The following ZNF544 variants were observed in gnomAD, a reference collection of about 807,000 sequenced individuals.
ZNF544 encodes zinc finger protein 544.
In ZNF544, 10 loss-of-function variants were observed where a neutral mutation model predicts 13.5. The ratio of observed to expected loss-of-function variants is 0.74; its 90% CI spans 0.46 to 1.25. The LOEUF is 1.25. Among genes scored for constraint, ZNF544 ranks in the 50% most tolerant of loss-of-function variants. The pLI is 0.00. For synonymous variants in ZNF544, 323 were observed against 300.5 expected (o/e 1.07, Z -0.77); for missense variants, 896 against 845.6 (o/e 1.06, Z -0.74).
chr19:58,252,363 C>T (rs1335922917), intron 6 of ZNF544, among the ~76,000 whole-genome samples: 1 of 152,128 alleles, frequency 6.6e-6, no homozygotes, highest in Non-Finnish European at 1.5e-5. Flanking sequence ...CCTAAACATC[C>T]CTCTTTAAAC....
At chr19:58,232,345 T>A in intron 3 of ZNF544, among the ~76,000 whole-genome samples, 1 of 123,476 alleles carries the variant, frequency 8.1e-6, no homozygotes, top group Non-Finnish European at 1.6e-5. Context: ...GACAATTTTA[T>A]CTTTTTTTTT....
chr19:58,241,733 G>A (rs1235429189), intron 3 of ZNF544, among the ~76,000 whole-genome samples: 1 of 151,782 alleles, frequency 6.6e-6, no homozygotes, highest in East Asian at 2.0e-4. Context: ...TCCTGACCTC[G>A]TGATCCGCCC....
chr19:58,261,118 T>C lies in ZNF544; in HGVS notation c.512T>C (p.Leu171Ser), dbSNP rs140634559. 36 of 1,614,166 alleles carry C rather than the reference T, an allele frequency of 2.2e-5. No individual in the cohort carries two copies. The African/African-American group carries it at 3.9e-4, about 17-fold the overall frequency. Residue 171 changes from leucine (L) to serine (S), a missense_variant, in exon 7 of 7, where the codon TTA becomes TCA. Coordinates refer to ENST00000687789, the MANE Select transcript of ZNF544 (RefSeq NM_014480.4). ...LGGGYSLPST[L>S]SLLPTTLPTS... ...GGAGGTTATTCTCTACCTTCTACTTTAAGCCTTCTACCTACAACATTACCT... is the reference window on the plus strand; with the variant it reads ...GGAGGTTATTCTCTACCTTCTACTTCAAGCCTTCTACCTACAACATTACCT...
chr19:58,265,140 G>A (rs1285980525), downstream of ZNF544, among the ~76,000 whole-genome samples: 1 of 152,132 alleles, frequency 6.6e-6, no homozygotes, highest in Admixed American at 6.5e-5. Flanking sequence ...CTTATCAGGG[G>A]ATGTGAAAAC....
intron 5 of ZNF544, among the ~76,000 whole-genome samples, chr19:58,275,321 G>T (rs1282551379): frequency 6.6e-6 from 1 of 151,990 alleles, no homozygotes; most frequent in African/African-American, 2.4e-5. Context: ...ACTGGCACTG[G>T]CATCCGGTGA....
chr19:58,244,741 A>G (rs1416286581), intron 4 of ZNF544, among the ~76,000 whole-genome samples: 2 of 151,748 alleles, frequency 1.3e-5, no homozygotes, highest in Non-Finnish European at 2.9e-5. Flanking sequence ...ATGCTTGACT[A>G]ATTTATTATA....
intron 4 of ZNF544, among the ~76,000 whole-genome samples, chr19:58,245,046 C>G (rs2044793466): frequency 6.6e-6 from 1 of 152,040 alleles, no homozygotes; most frequent in Non-Finnish European, 1.5e-5. Context: ...CTCCTGGTTT[C>G]AAGCAATTCT....
intron 6 of ZNF544, 72 bp downstream of exon 6, chr19:58,246,866 AG>A: frequency 1.5e-5 from 22 of 1,475,692 alleles, no homozygotes; most frequent in Non-Finnish European, 2.0e-5. Flanking sequence ...GCAGGGCCCC[AG>A]GGGCCAAGGA....
At chr19:58,273,125 A>C (rs188504240) in intron 5 of ZNF544, among the ~76,000 whole-genome samples, 1 of 150,730 alleles carries the variant, frequency 6.6e-6, no homozygotes, top group Non-Finnish European at 1.5e-5. Context: ...AGGTTGCAGT[A>C]AGCCAAGATC....
rs73939500 is a variant in ZNF544, at chr19:58,244,157, C to T, written c.33+101C>T. On this transcript the variant is annotated intron_variant, in intron 4 of 6. Coordinates refer to ENST00000687789, the MANE Select transcript of ZNF544 (RefSeq NM_014480.4). Reference sequence around the variant, plus strand: ...TGCAGGCTGTCACACAGGAGCGCTCCGCAGTGCTGGCCAGTGCTTCCCAGT... The same window carrying T: ...TGCAGGCTGTCACACAGGAGCGCTCTGCAGTGCTGGCCAGTGCTTCCCAGT... 4.7e-3 allele frequency: 4,773 copies of T among 1,020,152 alleles called. 26 individuals carry two copies. Among genetic ancestry groups the T allele is most frequent in the African/African-American group, 0.022 (1,334 of 61,268 alleles). 63.2% of individuals were successfully genotyped at this position (1,020,152 alleles called of 1,614,324 possible).
In ZNF544 at chr19:58,261,997, A is replaced by G. The variant is rs375930058; in HGVS notation, c.1391A>G (p.Tyr464Cys). ...AGAATTCATACTGGAGAGAAACCGTATGAGTGCACTCACTGTGGAAAGTCC... is the reference window on the plus strand; with the variant it reads ...AGAATTCATACTGGAGAGAAACCGTGTGAGTGCACTCACTGTGGAAAGTCC... ...HQRIHTGEKP[Y>C]ECTHCGKSFS... The change falls in exon 7 of 7, where the codon TAT becomes TGT. Residue 464 changes from tyrosine to cysteine, a missense_variant. Tyr to Cys is a radical substitution (Grantham distance 194). Transcript: ENST00000687789. 1.2e-6 allele frequency: 2 copies of G among 1,613,958 alleles called. No homozygotes were observed. The highest frequency in any genetic ancestry group is 2.7e-5 in the African/African-American group (2 of 74,878).
intron 6 of ZNF544, among the ~76,000 whole-genome samples, chr19:58,248,036 C>T (rs761191043): frequency 2.0e-5 from 3 of 152,026 alleles, no homozygotes; most frequent in Non-Finnish European, 4.4e-5. Context: ...GCCTCAACCT[C>T]CCAACTAACT....
rs754813403 is a variant in ZNF544 at position 58,262,073 on chromosome 19, A to G, written c.1467A>G (p.Glu489=). Residue 489 remains glutamate, a synonymous_variant, in exon 7 of 7, where the codon GAA becomes GAG. Coordinates refer to ENST00000687789, the MANE Select transcript of ZNF544 (RefSeq NM_014480.4). ...CACATAAAAGAACGCACACTGGAGA[A>G]AAACCCTTCAAATGTACTCAGTGTG... ...LVTHKRTHTG[E]KPFKCTQCGK... 6.2e-7 allele frequency: 1 copy of G among 1,611,364 alleles called. No homozygotes were observed.
chr19:58,249,311 G>C (rs1441461613), intron 6 of ZNF544, among the ~76,000 whole-genome samples: 1 of 152,128 alleles, frequency 6.6e-6, no homozygotes, highest in Non-Finnish European at 1.5e-5. Flanking sequence ...CTGAGGCACA[G>C]TCCCTACGTA....
chr19:58,252,258 T>C (rs1008591427), intron 6 of ZNF544, among the ~76,000 whole-genome samples: 1 of 152,350 alleles, frequency 6.6e-6, no homozygotes, highest in Admixed American at 6.5e-5. Context: ...CATATTCTCA[T>C]GCCTTTTACC....
In ZNF544 at chr19:58,261,018, A is replaced by G; in HGVS notation, c.412A>G (p.Asn138Asp). ...QSNQLREHQE[N>D]SLRFMVLTSE... The stretch of plus-strand genomic sequence containing the variant: ...CAACCAGTTAAGGGAACACCAGGAG[A>G]ACTCCTTGAGGTTCATGGTACTCAC... Residue 138 changes from asparagine (N) to aspartate (D), a missense_variant, in exon 7 of 7, where the codon AAC (asparagine) becomes GAC (aspartate). Asn to Asp is a conservative substitution (Grantham distance 23). Coordinates refer to ENST00000687789, the MANE Select transcript of ZNF544 (RefSeq NM_014480.4). 1.2e-6 allele frequency: 2 copies of G among 1,614,178 alleles called. No individual in the cohort carries two copies. The highest frequency in any genetic ancestry group is 2.2e-5 in the South Asian group (2 of 91,078).
Position 58,260,870 on chromosome 19 carries a change from G to A in ZNF544, c.264G>A (p.Glu88=). Residue 88 remains glutamate, a synonymous_variant, in exon 7 of 7, where the codon GAG becomes GAA. Coordinates refer to ENST00000687789, the MANE Select transcript of ZNF544 (RefSeq NM_014480.4). Reference sequence around the variant, plus strand: ...TTTCAGACTGGAAAGCTACCCTTGAGGAGAATAGGTTGAATTCTGAAAAAG... The same window carrying A: ...TTTCAGACTGGAAAGCTACCCTTGAAGAGAATAGGTTGAATTCTGAAAAAG... ...EAPRDWKATL[E]ENRLNSEKDR... 1 of 1,604,640 alleles carries A rather than the reference G, an allele frequency of 6.2e-7. No individual in the cohort carries two copies. Among genetic ancestry groups the A allele is most frequent in the Non-Finnish European group, 8.5e-7 (1 of 1,175,820 alleles).
chr19:58,256,244 G>A (rs1468872239), intron 6 of ZNF544, among the ~76,000 whole-genome samples: 2 of 152,118 alleles, frequency 1.3e-5, no homozygotes, highest in Admixed American at 6.6e-5. Flanking sequence ...GTTACCAGTG[G>A]AGGGTGTCTA....
chr19:58,277,259 G>A, exon 7 of ZNF544: 2 of 786,946 alleles, frequency 2.5e-6, no homozygotes, highest in African/African-American at 2.1e-5. Flanking sequence ...TGAGCCCTCA[G>A]GAGTCGGCCA....
Sources: gnomAD v4.1 joint callset for allele counts (sites outside exome capture counted in the v4.1 genomes callset) on GRCh38, gnomAD v4.1.1 for gene constraint, MANE v1.5 for transcripts, NCBI Gene and HGNC (gene_info 2026-07-23, HGNC 2026-07-21) for gene names.